Variants in MEI1 observed in about 807,000 individuals in gnomAD.
The protein encoded by MEI1 is meiosis inhibitor protein 1.
A neutral mutation model predicts 146.2 loss-of-function variants in MEI1; 103 were observed. The observed-to-expected ratio is 0.70, with a 90% CI of 0.60 to 0.83. MEI1 has a LOEUF of 0.83. Among genes scored for constraint, MEI1 ranks in the 40% least tolerant of loss-of-function variants. The pLI, the probability that MEI1 is intolerant of heterozygous loss-of-function variation, is 0.00. For missense variants in MEI1, 1,529 were observed against 1,533.0 expected (o/e 1.00, Z 0.04); for synonymous variants, 652 against 628.2 (o/e 1.04, Z -0.57).
intron 7 of MEI1, among the ~76,000 whole-genome samples, chr22:41,725,106 T>A (rs2071204329): frequency 6.6e-6 from 1 of 150,706 alleles, no homozygotes; most frequent in African/African-American, 2.5e-5. Flanking sequence ...CTAGCCTCAG[T>A]TGTAAATTAT....
At chr22:41,705,938 C>T (rs1395307350) in intron 3 of MEI1, among the ~76,000 whole-genome samples, 2 of 151,972 alleles carry the variant, frequency 1.3e-5, no homozygotes, top group South Asian at 4.2e-4. Context: ...GAGCTCCTGA[C>T]CTCAGGCGAT....
chr22:41,757,164 G>A (rs750353908), intron 17 of MEI1, among the ~76,000 whole-genome samples: 13 of 152,094 alleles, frequency 8.5e-5, no homozygotes, highest in African/African-American at 1.2e-4. Flanking sequence ...ACATGATCTC[G>A]GCTCACTGCA....
intron 18 of MEI1, among the ~76,000 whole-genome samples, chr22:41,760,982 C>G (rs928602244): frequency 2.0e-5 from 3 of 152,026 alleles, no homozygotes; most frequent in Non-Finnish European, 4.4e-5. Flanking sequence ...AAAACAGGTA[C>G]TGAGTAGAAA....
rs574411088 is a variant in MEI1 at position 41,713,276 on chromosome 22, C to A, written c.350-726C>A. ...GCTGAAGCCCAGGCATTTGAGATTA[C>A]CCTGGGCAGTACAGACCCTGTCCCT... On this transcript the variant is annotated intron_variant, in intron 3 of 30. Transcript: ENST00000401548. Among the ~76,000 whole-genome samples, 5 of 152,146 alleles carry A rather than the reference C, an allele frequency of 3.3e-5. No individual in the cohort carries two copies. The South Asian group carries it at 1.0e-3, about 32-fold the overall frequency.
At chr22:41,720,323 C>T (rs1441476165) in intron 6 of MEI1, among the ~76,000 whole-genome samples, 2 of 152,208 alleles carry the variant, frequency 1.3e-5, no homozygotes, top group Non-Finnish European at 2.9e-5. Context: ...GGTGCAAATA[C>T]AGGCCCTAGG....
rs183347947 is a variant in MEI1, at chr22:41,736,467, A to G, written c.1331+3864A>G. Among the ~76,000 whole-genome samples the G allele has an allele frequency of 5.9e-5, 9 of 151,970 alleles. No homozygotes were observed. In the East Asian group the frequency reaches 1.7e-3, roughly 29 times the overall value. ...ACAGGGTTTCACCGTGTTAGCCAGG[A>G]TGGTCTCGATCTCCTGACCTTGTGA... is the stretch of plus-strand genomic sequence containing the variant. On this transcript the variant is annotated intron_variant, in intron 11 of 30. Coordinates refer to ENST00000401548, the MANE Select transcript of MEI1 (RefSeq NM_152513.4).
At chr22:41,797,985 C>G (rs183670242) in intron 30 of MEI1, among the ~76,000 whole-genome samples, 35 of 152,252 alleles carry the variant, frequency 2.3e-4, no homozygotes, top group South Asian at 6.2e-4. Context: ...GCTAGTGATA[C>G]AATCAGGATT....
At position 41,709,180 on chromosome 22, in the gene MEI1, A is replaced by C. The variant is rs1478960104; in HGVS notation, c.349+3626A>C. The C allele has an allele frequency of 6.4e-6, 5 of 779,226 alleles. No homozygotes were observed. In the South Asian group the frequency reaches 6.7e-5, roughly 10 times the overall value. The allele number at this position is 779,226 out of a possible 1,614,324, so 48.3% of individuals were successfully genotyped here. ...TAAAAAATAGTATTTCAAACTGTAC[A>C]GTCACCAGAAGTACACAGTTACCAA... On this transcript the variant is annotated intron_variant, in intron 3 of 30. Coordinates refer to ENST00000401548, the MANE Select transcript of MEI1 (RefSeq NM_152513.4).
At chr22:41,796,839 C>T (rs1382708786) in intron 30 of MEI1, among the ~76,000 whole-genome samples, 1 of 151,926 alleles carries the variant, frequency 6.6e-6, no homozygotes, top group African/African-American at 2.4e-5. Context: ...CCTAGCTACT[C>T]GGGAGGCTGA....
chr22:41,730,665 T>G (rs756637560), intron 9 of MEI1, 28 bp downstream of exon 9: 1 of 1,514,762 alleles, frequency 6.6e-7, no homozygotes, highest in Non-Finnish European at 9.2e-7. Context: ...TGTACTAGCT[T>G]TGGGTTGGGT....
At chr22:41,781,498 C>A in intron 23 of MEI1, 104 bp downstream of exon 23, 2 of 1,179,934 alleles carry the variant, frequency 1.7e-6, no homozygotes, top group Non-Finnish European at 2.4e-6. Context: ...GTGTGTGTGG[C>A]TGGTGGTCAT....
intron 22 of MEI1, 50 bp from the exon 23 acceptor site, chr22:41,781,234 A>G (rs753531534): frequency 2.6e-5 from 35 of 1,351,558 alleles, no homozygotes; most frequent in Non-Finnish European, 3.5e-5. Flanking sequence ...CACCTATGAC[A>G]AGTGTGAGTG....
At chr22:41,746,733 C>T (rs150462644) in intron 14 of MEI1, among the ~76,000 whole-genome samples, 1 of 152,216 alleles carries the variant, frequency 6.6e-6, no homozygotes, top group African/African-American at 2.4e-5. Flanking sequence ...AACTCCTAAC[C>T]ATTTACTGGG....
At chr22:41,751,175 G>A (rs7291082) in intron 15 of MEI1, among the ~76,000 whole-genome samples, 43,471 of 152,012 alleles carry the variant, frequency 0.29, 6,833 homozygotes, top group Non-Finnish European at 0.36. Flanking sequence ...ATTGGGCCAA[G>A]AGGAGCCCAT....
chr22:41,784,740 A>G lies in MEI1; in HGVS notation c.3302A>G (p.Gln1101Arg). Residue 1101 changes from glutamine (Q) to arginine (R), a missense_variant, in exon 26 of 31, where the codon CAA becomes CGA. Gln to Arg is a conservative substitution (Grantham distance 43). This residue lies in a region of MEI1 where 313 missense variants were observed against 337.3 expected (regional missense o/e 0.93). Coordinates refer to ENST00000401548, the MANE Select transcript of MEI1 (RefSeq NM_152513.4). Reference protein sequence around the residue: ...DTVLAPLRMSQVRSLVIGLQN... With the variant: ...DTVLAPLRMSRVRSLVIGLQN... ...GTCCTAGCTCCACTGCGAATGTCGCAAGTCCGGTCCCTGGTCATTGGGCTG... is the reference window on the plus strand; with the variant it reads ...GTCCTAGCTCCACTGCGAATGTCGCGAGTCCGGTCCCTGGTCATTGGGCTG... 1.9e-6 allele frequency: 3 copies of G among 1,612,836 alleles called. No homozygotes were observed. The highest frequency in any genetic ancestry group is 2.2e-5 in the South Asian group (2 of 90,738).
chr22:41,701,021 C>T (rs1375180359), intron 1 of MEI1, among the ~76,000 whole-genome samples: 2 of 150,800 alleles, frequency 1.3e-5, no homozygotes, highest in Non-Finnish European at 2.9e-5. Context: ...CTCACCGCAA[C>T]CTCCGCCTCC....
chr22:41,794,061 C>A, intron 27 of MEI1, 151 bp downstream of exon 27: 1 of 760,688 alleles, frequency 1.3e-6, no homozygotes, highest in Non-Finnish European at 2.2e-6. Context: ...GCAGTCATGC[C>A]CATTATACAG....
At chr22:41,781,547 T>C (rs2052472932) in intron 23 of MEI1, 138 bp from the exon 24 acceptor site, 4 of 1,181,940 alleles carry the variant, frequency 3.4e-6, no homozygotes, top group East Asian at 2.6e-5. Flanking sequence ...GCTTCTGTTA[T>C]GAAGCTGGGA....
At chr22:41,742,489 A>T (rs116207692) in intron 11 of MEI1, among the ~76,000 whole-genome samples, 1,701 of 152,302 alleles carry the variant, frequency 0.011, 28 homozygotes, top group African/African-American at 0.039. Flanking sequence ...ATAAGGACTT[A>T]TTACGTATTA....
Sources: allele counts gnomAD v4.1 joint callset (sites outside exome capture counted in the v4.1 genomes callset), GRCh38; gene constraint gnomAD v4.1.1; regional missense constraint gnomAD v4.1.1; transcripts MANE v1.5; gene names NCBI Gene and HGNC (gene_info 2026-07-23, HGNC 2026-07-21).